The following VPS8 variants were observed in gnomAD, a reference collection of about 807,000 sequenced individuals.
VPS8 encodes VPS8 subunit of CORVET complex.
A neutral mutation model predicts 216.4 loss-of-function variants in VPS8; 129 were observed. That is an observed-to-expected ratio of 0.60 (90% CI 0.52 to 0.69). The LOEUF (loss-of-function observed/expected upper bound fraction) is 0.69. VPS8 is among the 30% of genes least tolerant of loss of function. VPS8 has a pLI of 0.00. For synonymous variants in VPS8, 571 were observed against 565.4 expected (o/e 1.01, Z -0.14); for missense variants, 1,531 against 1,683.5 (o/e 0.91, Z 1.59).
At chr3:184,924,384 G>A (rs1739181021) in intron 29 of VPS8, among the ~76,000 whole-genome samples, 1 of 152,108 alleles carries the variant, frequency 6.6e-6, no homozygotes, top group Admixed American at 6.5e-5. Context: ...AGGTGCGGTG[G>A]CACACGCCTG....
intron 30 of VPS8, among the ~76,000 whole-genome samples, chr3:184,926,246 G>A (rs556060209): frequency 6.6e-6 from 1 of 151,622 alleles, no homozygotes; most frequent in Non-Finnish European, 1.5e-5. Flanking sequence ...GCGTGGTGGC[G>A]GGCACCTGTA....
chr3:184,824,838 G>C (rs1718378793), intron 2 of VPS8, 53 bp downstream of exon 2: 1 of 1,509,114 alleles, frequency 6.6e-7, no homozygotes, highest in African/African-American at 1.4e-5. Context: ...GTAGATTAGA[G>C]TATGCTTTGT....
intron 42 of VPS8, among the ~76,000 whole-genome samples, chr3:184,993,322 G>T (rs1752159623): frequency 6.6e-6 from 1 of 151,646 alleles, no homozygotes; most frequent in African/African-American, 2.4e-5. Flanking sequence ...TTCAGTTTTT[G>T]GTGTGGTTTT....
chr3:184,953,490 C>T (rs113844843), intron 36 of VPS8, among the ~76,000 whole-genome samples: 338 of 152,188 alleles, frequency 2.2e-3, no homozygotes, highest in Middle Eastern at 0.01. Context: ...GGCTTGTGGG[C>T]GTGACTCTCT....
intron 36 of VPS8, among the ~76,000 whole-genome samples, chr3:184,955,302 A>G (rs998142039): frequency 6.6e-6 from 1 of 152,224 alleles, no homozygotes; most frequent in African/African-American, 2.4e-5. Flanking sequence ...AGTTCGTAGT[A>G]GATAGCAGTA....
intron 45 of VPS8, among the ~76,000 whole-genome samples, chr3:185,005,589 C>T (rs1397870051): frequency 2.0e-5 from 3 of 151,764 alleles, no homozygotes; most frequent in African/African-American, 7.3e-5. Context: ...GGTCTTTCAA[C>T]TCCTTGGTTG....
intron 21 of VPS8, among the ~76,000 whole-genome samples, chr3:184,874,461 G>A (rs886835369): frequency 3.3e-5 from 5 of 152,074 alleles, no homozygotes; most frequent in African/African-American, 1.2e-4. Flanking sequence ...TCTAGGTAGC[G>A]CCAAGAATCA....
intron 42 of VPS8, among the ~76,000 whole-genome samples, chr3:184,984,194 A>AAAAAAAAAAAAAAAAACCTCACCAAG: frequency 4.3e-5 from 2 of 46,528 alleles, no homozygotes; most frequent in African/African-American, 1.3e-4. Context: ...AAAAAAAAAA[A>AAAAAAAAAAAAAAAAACCTCACCAAG]CTCTACTTCC....
At chr3:184,987,977 A>T (rs1327335311) in intron 42 of VPS8, among the ~76,000 whole-genome samples, 1 of 152,184 alleles carries the variant, frequency 6.6e-6, no homozygotes, top group Non-Finnish European at 1.5e-5. Context: ...CTCTTACAAC[A>T]TGTGATATTG....
At chr3:184,918,640 A>G (rs1012098502) in intron 28 of VPS8, among the ~76,000 whole-genome samples, 4 of 152,240 alleles carry the variant, frequency 2.6e-5, no homozygotes, top group African/African-American at 9.6e-5. Context: ...GCCAAAAGGA[A>G]AATGGTGAAG....
In VPS8 at chr3:184,885,009, A is replaced by G. The variant is rs114167510; in HGVS notation, c.1735-1101A>G. 4.6e-3 allele frequency among the ~76,000 whole-genome samples: 698 copies of G among 152,322 alleles called. 8 individuals carry two copies. The highest frequency in any genetic ancestry group is 0.016 in the African/African-American group (655 of 41,576). On this transcript the variant is annotated intron_variant, in intron 21 of 47. Transcript: ENST00000625842. ...TTTGCTGTAGCTCTAACACTTTTCA[A>G]ATCTATCATTTTACCTCCTGTTTTT... is the stretch of plus-strand genomic sequence containing the variant.
In VPS8 at chr3:184,842,186, C is replaced by CAAAAAAAAAAAAAAAAAA. The variant is rs71162267; in HGVS notation, c.536-1048_536-1031dup. Among the ~76,000 whole-genome samples the CAAAAAAAAAAAAAAAAAA allele has an allele frequency of 6.7e-4, 33 of 48,958 alleles. 2 individuals carry two copies. Among genetic ancestry groups the CAAAAAAAAAAAAAAAAAA allele is most frequent in the South Asian group, 4.7e-3 (5 of 1,062 alleles). 32.1% of individuals were successfully genotyped at this position (48,958 alleles called of 152,430 possible). A position where few individuals can be genotyped will look rare whatever the true frequency, so the allele number is the denominator to read the frequency against. On this transcript the variant is annotated intron_variant, in intron 7 of 47. Coordinates refer to ENST00000625842, the MANE Select transcript of VPS8 (RefSeq NM_001009921.3). The stretch of plus-strand genomic sequence containing the variant: ...TGGGTGACAGAGCGAGACTCCGTCT[C>CAAAAAAAAAAAAAAAAAA]AAAAAAAAAAAAAAAAAAAAAAAGA...
chr3:184,910,997 G>A (rs1179313175), intron 25 of VPS8, among the ~76,000 whole-genome samples: 1 of 152,194 alleles, frequency 6.6e-6, no homozygotes. Context: ...GTACCTAATA[G>A]TAGCCCTGAA....
intron 25 of VPS8, among the ~76,000 whole-genome samples, chr3:184,904,881 G>A (rs1332288814): frequency 2.6e-5 from 4 of 152,090 alleles, no homozygotes; most frequent in African/African-American, 4.8e-5. Flanking sequence ...GCTCTGTTTT[G>A]TGCTGCTGTA....
intron 46 of VPS8, among the ~76,000 whole-genome samples, chr3:185,025,005 A>AAAAAAAAG (rs1267911572): frequency 6.6e-6 from 1 of 152,104 alleles, no homozygotes; most frequent in Non-Finnish European, 1.5e-5. Context: ...TCCATCTCAA[A>AAAAAAAAG]AAAAGAAAAA....
chr3:185,041,088 C>T (rs182758957), intron 46 of VPS8, among the ~76,000 whole-genome samples: 1 of 151,984 alleles, frequency 6.6e-6, no homozygotes, highest in Non-Finnish European at 1.5e-5. Context: ...ATCTGTAATC[C>T]CAGCTATTCG....
At chr3:184,921,633 G>A (rs902253763) in intron 29 of VPS8, among the ~76,000 whole-genome samples, 3 of 151,970 alleles carry the variant, frequency 2.0e-5, no homozygotes, top group African/African-American at 4.8e-5. Flanking sequence ...GAGTGCAGTG[G>A]CACGATCTCA....
chr3:184,834,130 A>C (rs1006727910), intron 4 of VPS8, among the ~76,000 whole-genome samples: 6 of 152,194 alleles, frequency 3.9e-5, no homozygotes, highest in African/African-American at 1.4e-4. Context: ...AAGCAGCAGC[A>C]CAGGAAAGGT....
chr3:184,957,468 G>A lies in VPS8; in HGVS notation c.3130G>A (p.Val1044Ile), dbSNP rs566967979. Reference sequence around the variant, plus strand: ...GTTGTGTCAGTTCAACCCAACCCAAGTTATAGAGACTCTGCAAGTCCTTGA... The same window carrying A: ...GTTGTGTCAGTTCAACCCAACCCAAATTATAGAGACTCTGCAAGTCCTTGA... Reference protein sequence around the residue: ...ELLCQFNPTQVIETLQVLECY... With the variant: ...ELLCQFNPTQIIETLQVLECY... The change falls in exon 37 of 48, where the codon GTT becomes ATT. Residue 1044 changes from valine to isoleucine, a missense_variant. By Grantham distance (29) the Val-to-Ile change is conservative. This residue lies in a region of VPS8 where 1,318 missense variants were observed against 1,468.4 expected (regional missense o/e 0.90). Transcript: ENST00000625842. 94 of 1,612,644 alleles carry A rather than the reference G, an allele frequency of 5.8e-5. 1 individual carries two copies. The Middle Eastern group carries it at 2.0e-3, about 34-fold the overall frequency.
Sources: allele counts gnomAD v4.1 joint callset (sites outside exome capture counted in the v4.1 genomes callset), GRCh38; gene constraint gnomAD v4.1.1; regional missense constraint gnomAD v4.1.1; transcripts MANE v1.5; gene names NCBI Gene and HGNC (gene_info 2026-07-23, HGNC 2026-07-21).